The following EIF3A variants were observed in gnomAD, a reference collection of about 807,000 sequenced individuals.
EIF3A encodes the protein EIF3, p180 subunit.
EIF3A carries 21 observed loss-of-function variants against 186.6 expected under a neutral mutation model. The observed-to-expected ratio is 0.11, with a 90% CI of 0.08 to 0.16. The LOEUF is 0.16. Among genes scored for constraint, EIF3A ranks in the 10% least tolerant of loss-of-function variants. EIF3A has a pLI of 1.00. For synonymous variants in EIF3A, 563 were observed against 584.3 expected (o/e 0.96, Z 0.52); for missense variants, 1,306 against 1,796.3 (o/e 0.73, Z 4.93).
Position 119,033,753 on chromosome 10 carries a change from AGTTT to A in EIF3A, c.*2282_*2285del, listed in dbSNP as rs1220472087. On this transcript the variant is annotated 3_prime_UTR_variant, in exon 22 of 22. Coordinates refer to ENST00000369144, the MANE Select transcript of EIF3A (RefSeq NM_003750.4). ...ATATATATGCTTCCAGACAAAGAAA[AGTTT>A]GTTAGTCCTGATTTTCTAATCGTAG... The A allele has an allele frequency of 6.0e-6, 1 of 167,028 alleles. No homozygotes were observed. The highest frequency in any genetic ancestry group is 1.9e-4 in the East Asian group (1 of 5,208). The allele number at this position is 167,028 out of a possible 1,614,324, so 10.3% of individuals were successfully genotyped here.
intron 7 of EIF3A, among the ~76,000 whole-genome samples, chr10:119,063,754 C>T (rs1397832765): frequency 6.6e-6 from 1 of 152,296 alleles, no homozygotes; most frequent in South Asian, 2.1e-4. Flanking sequence ...CAAATTTCCA[C>T]TGAATGGAAG....
chr10:119,078,061 A>T (rs1844205149), intron 1 of EIF3A, among the ~76,000 whole-genome samples: 1 of 152,228 alleles, frequency 6.6e-6, no homozygotes, highest in African/African-American at 2.4e-5. Context: ...ATGTATAAAG[A>T]AGTTTACATC....
intron 19 of EIF3A, among the ~76,000 whole-genome samples, chr10:119,040,158 C>A (rs918014869): frequency 6.6e-6 from 1 of 152,186 alleles, no homozygotes; most frequent in Admixed American, 6.5e-5. Flanking sequence ...TCTGCACTTA[C>A]AACAACTGCT....
rs1848086398 is a variant in EIF3A at position 119,033,713 on chromosome 10, AAAATTATATCACAAAT to A, written c.*2310_*2325del. On this transcript the variant is annotated 3_prime_UTR_variant, in exon 22 of 22. Coordinates refer to ENST00000369144, the MANE Select transcript of EIF3A (RefSeq NM_003750.4). Reference sequence around the variant, plus strand: ...TTATTAAACCAAAATTATACATATTAAAATTATATCACAAATATATATGCTTCCAGACAAAGAAAAG... The same window carrying A: ...TTATTAAACCAAAATTATACATATTAATATATGCTTCCAGACAAAGAAAAG... 1 of 166,880 alleles carries A rather than the reference AAAATTATATCACAAAT, an allele frequency of 6.0e-6. No homozygotes were observed. The highest frequency in any genetic ancestry group is 2.4e-5 in the African/African-American group (1 of 41,474). 10.3% of individuals were successfully genotyped at this position (166,880 alleles called of 1,614,324 possible). A position where few individuals can be genotyped will look rare whatever the true frequency, so the allele number is the denominator to read the frequency against.
intron 4 of EIF3A, among the ~76,000 whole-genome samples, chr10:119,072,024 CA>C (rs56100757): frequency 3.4e-3 from 201 of 59,464 alleles, no homozygotes; most frequent in African/African-American, 0.012. Flanking sequence ...GACTCTGTCT[CA>C]AAAAAAAAAA....
At chr10:119,050,431 T>G in intron 16 of EIF3A, 90 bp downstream of exon 16, 2 of 1,319,132 alleles carry the variant, frequency 1.5e-6, no homozygotes, top group East Asian at 2.3e-5. Flanking sequence ...ATTACCTTGA[T>G]TCCTGTATTT....
chr10:119,072,845 G>A (rs750926565), intron 4 of EIF3A, 45 bp downstream of exon 4: 2 of 1,566,036 alleles, frequency 1.3e-6, no homozygotes, highest in African/African-American at 2.8e-5. Flanking sequence ...TTACTCCTCA[G>A]TCAATTTCAA....
At position 119,037,066 on chromosome 10, in the gene EIF3A, C is replaced by G. The variant is rs1057268272; in HGVS notation, c.3919+53G>C. ...TATAATTAAATAACCCAAATCCCCC[C>G]CCCCCCAGAAACGACAGTTCTCCAA... On this transcript the variant is annotated intron_variant, in intron 21 of 21. Transcript: ENST00000369144. 7.4e-5 allele frequency: 57 copies of G among 766,920 alleles called. 13 individuals carry two copies. Among genetic ancestry groups the G allele is most frequent in the Admixed American group, 9.8e-5 (4 of 40,622 alleles). 47.5% of individuals were successfully genotyped at this position (766,920 alleles called of 1,614,324 possible). A position where few individuals can be genotyped will look rare whatever the true frequency, so the allele number is the denominator to read the frequency against.
At position 119,035,127 on chromosome 10, in the gene EIF3A, CT is replaced by C. The variant is rs1198953569; in HGVS notation, c.*911del. 6.6e-6 allele frequency: 1 copy of C among 152,440 alleles called. No individual in the cohort carries two copies. The highest frequency in any genetic ancestry group is 1.9e-4 in the East Asian group (1 of 5,194). 9.4% of individuals were successfully genotyped at this position (152,440 alleles called of 1,614,324 possible). On this transcript the variant is annotated 3_prime_UTR_variant, in exon 22 of 22. Transcript: ENST00000369144. ...GCTTCAATGAGACCAAATAGTTCAT[CT>C]TTAACATAGCTACTGCGCTCCAAAA...
In EIF3A at chr10:119,080,801, G is replaced by C; in HGVS notation, c.-125C>G. The C allele has an allele frequency of 1.2e-5, 17 of 1,427,986 alleles. No homozygotes were observed. The highest frequency in any genetic ancestry group is 1.6e-5 in the Non-Finnish European group (17 of 1,088,408). The allele number at this position is 1,427,986 out of a possible 1,614,324, so 88.5% of individuals were successfully genotyped here. ...CGCCAGCAGTCGCCCGCGCCCAGCC[G>C]GCCAGAGACGGAAAGGAAGGAGCCA... is the stretch of plus-strand genomic sequence containing the variant. On this transcript the variant is annotated 5_prime_UTR_variant, in exon 1 of 22. Transcript: ENST00000369144.
chr10:119,044,198 C>T (rs1005761111), intron 17 of EIF3A, 56 bp from the exon 18 acceptor site: 8 of 1,106,858 alleles, frequency 7.2e-6, no homozygotes, highest in South Asian at 1.3e-5. Flanking sequence ...ACTATTACAA[C>T]TACTGGTATT....
At position 119,071,053 on chromosome 10, in the gene EIF3A, C is replaced by T; in HGVS notation, c.574G>A (p.Ala192Thr). The change falls in exon 5 of 22, where the codon GCT (alanine) becomes ACT (threonine). Residue 192 changes from alanine (A) to threonine (T), a missense_variant. Physicochemically the swap from Ala to Thr is moderately conservative, Grantham distance 58. This residue lies in a region of EIF3A where 130 missense variants were observed against 259.3 expected (regional missense o/e 0.50). Coordinates refer to ENST00000369144, the MANE Select transcript of EIF3A (RefSeq NM_003750.4). The part of the protein sequence containing the change: ...FKFCLQYTRK[A>T]EFRKLCDNLR... ...TTGTCACACAGTTTACGGAATTCAG[C>T]CTTACGCGTGTATTGGAGGCAGAAT... 6.2e-7 allele frequency: 1 copy of T among 1,614,072 alleles called. No individual in the cohort carries two copies. Among genetic ancestry groups the T allele is most frequent in the Non-Finnish European group, 8.5e-7 (1 of 1,179,990 alleles).
chr10:119,069,960 C>T (rs1844044874), intron 5 of EIF3A, among the ~76,000 whole-genome samples: 1 of 152,142 alleles, frequency 6.6e-6, no homozygotes, highest in Non-Finnish European at 1.5e-5. Context: ...GGATATACAA[C>T]AGGTTATTTC....
At chr10:119,043,546 T>C (rs1848242049) in intron 18 of EIF3A, among the ~76,000 whole-genome samples, 2 of 148,308 alleles carry the variant, frequency 1.3e-5, no homozygotes, top group Admixed American at 6.7e-5. Flanking sequence ...CCCAGGGAGG[T>C]TGAGGCTGTA....
chr10:119,070,825 G>A (rs575788681), intron 5 of EIF3A, 61 bp downstream of exon 5: 30 of 1,189,872 alleles, frequency 2.5e-5, no homozygotes, highest in Admixed American at 3.6e-5. Flanking sequence ...ATTCATTAAG[G>A]GGGGAGAAAA....
At chr10:119,047,188 A>C (rs181400062) in intron 17 of EIF3A, among the ~76,000 whole-genome samples, 3 of 152,256 alleles carry the variant, frequency 2.0e-5, no homozygotes, top group African/African-American at 7.2e-5. Context: ...GAATTGCTTG[A>C]AACTGGGAGG....
intron 6 of EIF3A, among the ~76,000 whole-genome samples, chr10:119,066,505 CAAAAAAAAAAAAAAA>C (rs71016533): frequency 1.8e-3 from 86 of 47,496 alleles, no homozygotes; most frequent in African/African-American, 5.3e-3. Context: ...TTAAGACTGT[CAAAAAAAAAAAAAAA>C]AAAAAAAAAA....
At chr10:119,077,935 C>T (rs1384316905) in intron 1 of EIF3A, among the ~76,000 whole-genome samples, 2 of 152,108 alleles carry the variant, frequency 1.3e-5, no homozygotes, top group East Asian at 3.8e-4. Context: ...TATTTCAATA[C>T]TTAAATATTG....
intron 12 of EIF3A, 24 bp downstream of exon 12, chr10:119,057,932 T>G (rs1024423826): frequency 6.3e-7 from 1 of 1,578,482 alleles, no homozygotes; most frequent in Non-Finnish European, 8.6e-7. Flanking sequence ...AAACTAATTT[T>G]TTAATAACTA....
Sources: allele counts gnomAD v4.1 joint callset (sites outside exome capture counted in the v4.1 genomes callset), GRCh38; gene constraint gnomAD v4.1.1; regional missense constraint gnomAD v4.1.1; transcripts MANE v1.5; gene names NCBI Gene and HGNC (gene_info 2026-07-23, HGNC 2026-07-21).